Variants in OPLAH observed in about 807,000 individuals in gnomAD.
OPLAH encodes 5-oxoprolinase.
In OPLAH, 103 loss-of-function variants were observed where a neutral mutation model predicts 122.8. The ratio of observed to expected loss-of-function variants is 0.84; its 90% CI spans 0.71 to 0.99. The LOEUF is 0.99. OPLAH is among the 50% of genes least tolerant of loss of function. OPLAH has a pLI of 0.00. For missense variants in OPLAH, 1,902 were observed against 1,836.5 expected, an observed-to-expected ratio of 1.04 and a Z score of -0.65; for synonymous variants, 875 against 796.0, an observed-to-expected ratio of 1.10 and a Z score of -1.67.
At position 144,059,893 on chromosome 8, in the gene OPLAH, G is replaced by A. The variant is rs1554760494; in HGVS notation, c.140C>T (p.Pro47Leu). ...CAGGATGCGGCGGATGCCTTCGGTT[G>A]GCGCGTCCGCATAGTTGGCAGGGTC... is the stretch of plus-strand genomic sequence containing the variant. ...SEDPANYADA[P>L]TEGIRRILEQ... The change falls in exon 2 of 27, where the codon CCA becomes CTA. Residue 47 changes from proline (P) to leucine (L), a missense_variant. By Grantham distance (98) the Pro-to-Leu change is moderately conservative (BLOSUM62 -3). Coordinates refer to ENST00000618853, the MANE Select transcript of OPLAH (RefSeq NM_017570.5). 6.2e-7 allele frequency: 1 copy of A among 1,612,774 alleles called. No individual in the cohort carries two copies. Among genetic ancestry groups the A allele is most frequent in the South Asian group, 1.1e-5 (1 of 91,088 alleles).
intron 3 of OPLAH, among the ~76,000 whole-genome samples, chr8:144,059,286 C>T (rs772460831): frequency 4.3e-4 from 66 of 152,194 alleles, no homozygotes; most frequent in Non-Finnish European, 6.9e-4. Flanking sequence ...TGCTCCACCC[C>T]CACGAAGGCA....
At position 144,059,035 on chromosome 8, in the gene OPLAH, C is replaced by T. The variant is rs782271942; in HGVS notation, c.408G>A (p.Val136=). 5.0e-6 allele frequency: 8 copies of T among 1,589,398 alleles called. No individual in the cohort carries two copies. Among genetic ancestry groups the T allele is most frequent in the Non-Finnish European group, 6.8e-6 (8 of 1,169,576 alleles). The part of the protein sequence containing the change: ...PEVLYEEVLE[V]DERVVLHRGE... ...CACGGTGCAGCACCACGCGTTCGTCCACCTCCAGCACCTCTTCATACAGCA... is the reference window on the plus strand; with the variant it reads ...CACGGTGCAGCACCACGCGTTCGTCTACCTCCAGCACCTCTTCATACAGCA... Residue 136 remains valine (V), a synonymous_variant, in exon 4 of 27, where the codon GTG becomes GTA. Transcript: ENST00000618853.
rs781827152 is a variant in OPLAH, at chr8:144,056,994, GGCGGCTCA to G, written c.1652_1659del (p.Leu551ProfsTer22). The G allele has an allele frequency of 6.3e-7, 1 of 1,589,900 alleles. No homozygotes were observed. Among genetic ancestry groups the G allele is most frequent in the Non-Finnish European group, 8.5e-7 (1 of 1,169,902 alleles). ...AGAGCATCCACACACTGCTCCTCCA[GGCGGCTCA>G]GCCTCTGGTCCAGCTGCACGAAGGT... On this transcript the variant is annotated frameshift_variant, in exon 12 of 27. Transcript: ENST00000618853. LOFTEE classifies it high-confidence loss of function.
intron 17 of OPLAH, 57 bp from the exon 18 acceptor site, chr8:144,054,970 T>TTG (rs1835474107): frequency 4.7e-6 from 1 of 211,672 alleles, no homozygotes; most frequent in East Asian, 1.2e-4. Context: ...CAGAGCGGGG[T>TTG]GGGGGGGGGG....
At chr8:144,063,415 C>T (rs753594059), upstream of OPLAH, among the ~76,000 whole-genome samples, 1 of 152,238 alleles carries the variant, frequency 6.6e-6, no homozygotes, top group Non-Finnish European at 1.5e-5. This position sits in a 1 kb window ranked among gnomAD's most constrained non-coding sequence, Gnocchi z 4.2. Flanking sequence ...GCTGGGAGGA[C>T]AGAGTCTGCC....
chr8:144,050,748 C>A, downstream of OPLAH: 2 of 986,318 alleles, frequency 2.0e-6, no homozygotes, highest in Non-Finnish European at 2.4e-6. Flanking sequence ...TGGGGAGCGC[C>A]GTCGGCTGAG....
downstream of OPLAH, chr8:144,051,060 G>A (rs1213034293): frequency 2.3e-6 from 3 of 1,312,660 alleles, no homozygotes. Flanking sequence ...CGGAGTTCCC[G>A]GGTGGCTGGG....
rs782338162 is a variant in OPLAH, at chr8:144,058,703, A to T, written c.588-12T>A. On this transcript the variant is annotated splice_polypyrimidine_tract_variant and intron_variant, in intron 5 of 26. Transcript: ENST00000618853. Reference sequence around the variant, plus strand: ...CATGCTGGGCCCACCTATGACAAAAACCCAGTGGCACCTCGTCTCCCACCA... The same window carrying T: ...CATGCTGGGCCCACCTATGACAAAATCCCAGTGGCACCTCGTCTCCCACCA... 5.7e-6 allele frequency: 9 copies of T among 1,579,636 alleles called. No individual in the cohort carries two copies. In the Admixed American group the frequency reaches 1.2e-4, roughly 21 times the overall value.
upstream of OPLAH, among the ~76,000 whole-genome samples, chr8:144,062,143 C>A (rs1453865951): frequency 6.6e-6 from 1 of 152,080 alleles, no homozygotes; most frequent in Non-Finnish European, 1.5e-5. Flanking sequence ...GCCCTGAATT[C>A]TTTCTTTCAA....
intron 9 of OPLAH, 68 bp downstream of exon 9, chr8:144,057,788 A>T: frequency 1.2e-6 from 2 of 1,608,634 alleles, no homozygotes. Context: ...GATAGGGCTG[A>T]CAGGAGGGGC....
In OPLAH at chr8:144,058,634, G is replaced by A. The variant is rs782648000; in HGVS notation, c.645C>T (p.His215=). ...GCATGGCCTCCGAGGACAGTGACACGTGCGTGAAGCCCAGCTCCCGGGCCA... is the reference window on the plus strand; with the variant it reads ...GCATGGCCTCCGAGGACAGTGACACATGCGTGAAGCCCAGCTCCCGGGCCA... ...GVLARELGFT[H]VSLSSEAMPM... Residue 215 remains histidine (H), a synonymous_variant, in exon 6 of 27, where the codon CAC becomes CAT. Transcript: ENST00000618853. The A allele has an allele frequency of 3.6e-5, 58 of 1,602,294 alleles. No individual in the cohort carries two copies. The highest frequency in any genetic ancestry group is 4.2e-5 in the Non-Finnish European group (49 of 1,178,414).
Position 144,057,861 on chromosome 8 carries a change from C to A in OPLAH, c.1151G>T (p.Arg384Leu), listed in dbSNP as rs781912279. The A allele has an allele frequency of 6.2e-7, 1 of 1,611,086 alleles. No individual in the cohort carries two copies. The highest frequency in any genetic ancestry group is 1.7e-5 in the Admixed American group (1 of 59,644). Residue 384 changes from arginine to leucine, a missense_variant, in exon 9 of 27, where the codon CGC becomes CTC. By Grantham distance (102) the Arg-to-Leu change is moderately radical (BLOSUM62 -2). Around this residue, in one of 3 missense-constraint regions of OPLAH, gnomAD observed 1,726 missense variants for 1,642.1 expected, o/e 1.05. Coordinates refer to ENST00000618853, the MANE Select transcript of OPLAH (RefSeq NM_017570.5). ...AGAHPGPACY[R>L]KGGPVTVTDA... ...GGCCAGATCCTGACTCTTACCTTTG[C>A]GGTAGCAGGCGGGTCCTGGGTGGGC...
In OPLAH at chr8:144,051,729, C is replaced by G. The variant is rs557691549; in HGVS notation, c.3720G>C (p.Gly1240=). 11 of 1,600,438 alleles carry G rather than the reference C, an allele frequency of 6.9e-6. No homozygotes were observed. In the South Asian group the frequency reaches 1.1e-4, roughly 16 times the overall value. Residue 1240 remains glycine, a splice_region_variant and synonymous_variant, in exon 26 of 27, where the codon GGG becomes GGC. Coordinates refer to ENST00000618853, the MANE Select transcript of OPLAH (RefSeq NM_017570.5). ...GGACAGGACAGGCCGCGGCCCTTAC[C>G]CCGGGGTACACGGTCACCGACGTCT... ...GGKTSVTVYP[G]DVFCLHTPGG... is the part of the protein sequence containing the mutation.
intron 10 of OPLAH, 52 bp from the exon 11 acceptor site, chr8:144,057,372 C>T: frequency 6.3e-7 from 1 of 1,583,242 alleles, no homozygotes; most frequent in Non-Finnish European, 8.6e-7. Context: ...CCATCCAGCC[C>T]CCAGCCTGAG....
rs368533034 is a variant in OPLAH at position 144,056,240 on chromosome 8, T to G, written c.2003A>C (p.Glu668Ala). ...CACAGGGGTCTCCTGGTAGCCCCCC[T>G]CAAAGTAGCACTGGGTCATCTGCAG... ...RVDKMTQCYF[E>A]GGYQETPVYL... Residue 668 changes from glutamate to alanine, a missense_variant, in exon 15 of 27, where the codon GAG becomes GCG. Glu to Ala is a moderately radical substitution (Grantham distance 107). This residue lies in a region of OPLAH where 1,726 missense variants were observed against 1,642.1 expected (regional missense o/e 1.05). Transcript: ENST00000618853. 4 of 1,611,776 alleles carry G rather than the reference T, an allele frequency of 2.5e-6. No individual in the cohort carries two copies. Among genetic ancestry groups the G allele is most frequent in the East Asian group, 2.2e-5 (1 of 44,836 alleles).
At position 144,057,520 on chromosome 8, in the gene OPLAH, C is replaced by T; in HGVS notation, c.1350G>A (p.Leu450=). ...NGPCPASPLS[L]EEVAMGFVRV... ...GCACGAACCCCATGGCCACCTCCTC[C>T]AGGCTCAGCGGGGAGGCCGGGCAGG... Residue 450 remains leucine (L), a synonymous_variant, in exon 10 of 27, where the codon CTG becomes CTA. Coordinates refer to ENST00000618853, the MANE Select transcript of OPLAH (RefSeq NM_017570.5). 1 of 1,599,802 alleles carries T rather than the reference C, an allele frequency of 6.3e-7. No homozygotes were observed. Among genetic ancestry groups the T allele is most frequent in the Non-Finnish European group, 8.5e-7 (1 of 1,173,762 alleles).
Position 144,051,491 on chromosome 8 carries a change from G to GGGA in OPLAH, c.3721-20_3721-19insTCC. 1 of 1,381,846 alleles carries GGGA rather than the reference G, an allele frequency of 7.2e-7. No individual in the cohort carries two copies. Among genetic ancestry groups the GGGA allele is most frequent in the Non-Finnish European group, 9.5e-7 (1 of 1,052,594 alleles). The allele number at this position is 1,381,846 out of a possible 1,614,324, so 85.6% of individuals were successfully genotyped here. On this transcript the variant is annotated intron_variant, in intron 26 of 26. Coordinates refer to ENST00000618853, the MANE Select transcript of OPLAH (RefSeq NM_017570.5). ...ACACATCCTGTTGGCGCGGGGGGGG[G>GGGA]CGGGGAGGCGGGCTCAGTGCAGGCG...
rs1554758194 is a variant in OPLAH at position 144,053,258 on chromosome 8, A to G, written c.2822T>C (p.Ile941Thr). The G allele has an allele frequency of 2.5e-6, 4 of 1,612,934 alleles. No homozygotes were observed. The highest frequency in any genetic ancestry group is 3.4e-6 in the Non-Finnish European group (4 of 1,179,800). The change falls in exon 20 of 27, where the codon ATT becomes ACT. Residue 941 changes from isoleucine (I) to threonine (T), a missense_variant. Transcript: ENST00000618853. ...QKGIQLVGEL[I>T]GQYGLDVVQA... ...CACCACGTCCAGGCCGTACTGCCCAATGAGCTCCCCCACCAGCTGGATGCC... is the reference window on the plus strand; with the variant it reads ...CACCACGTCCAGGCCGTACTGCCCAGTGAGCTCCCCCACCAGCTGGATGCC...
Position 144,052,189 on chromosome 8 carries a change from G to A in OPLAH, c.3441C>T (p.Asp1147=). 2 of 1,579,972 alleles carry A rather than the reference G, an allele frequency of 1.3e-6. No individual in the cohort carries two copies. The highest frequency in any genetic ancestry group is 1.7e-6 in the Non-Finnish European group (2 of 1,166,174). ...CTCACCGGCTCTCCAGGATCTCAGG[G>A]TCGGTGATGCGTGTGTTGGTCATGT... ...HSHMTNTRIT[D]PEILESRYPV... Residue 1147 remains aspartate (D), a synonymous_variant, in exon 24 of 27, where the codon GAC becomes GAT. Coordinates refer to ENST00000618853, the MANE Select transcript of OPLAH (RefSeq NM_017570.5).
Sources: gnomAD v4.1 joint callset for allele counts (sites outside exome capture counted in the v4.1 genomes callset) on GRCh38, gnomAD v4.1.1 for gene constraint, gnomAD v4.1.1 regional missense constraint, Gnocchi (gnomAD v3.1) non-coding constraint, MANE v1.5 for transcripts, NCBI Gene and HGNC (gene_info 2026-07-23, HGNC 2026-07-21) for gene names.